Variants in STX8 observed in about 807,000 individuals in gnomAD.
STX8 encodes the protein syntaxin 8.
A neutral mutation model predicts 37.5 loss-of-function variants in STX8; 23 were observed. The observed-to-expected ratio is 0.61, with a 90% CI of 0.44 to 0.87. The LOEUF (loss-of-function observed/expected upper bound fraction) is 0.87, where lower values mean the gene tolerates loss of function less well. Among genes scored for constraint, STX8 ranks in the 40% least tolerant of loss-of-function variants. STX8 has a pLI of 0.00. For synonymous variants in STX8, 115 were observed against 99.1 expected (o/e 1.16, Z -0.95); for missense variants, 313 against 284.7 (o/e 1.10, Z -0.71).
chr17:9,524,904 C>T (rs974412213), intron 4 of STX8, among the ~76,000 whole-genome samples: 2 of 151,376 alleles, frequency 1.3e-5, no homozygotes, highest in Non-Finnish European at 2.9e-5. Context: ...GCCTCCTGGG[C>T]TCAAGCAATT....
chr17:9,546,481 T>TGCGCATGAGC (rs1555536152), intron 3 of STX8, among the ~76,000 whole-genome samples: 1 of 151,712 alleles, frequency 6.6e-6, no homozygotes, highest in Non-Finnish European at 1.5e-5. Context: ...ATGCGGCGCG[T>TGCGCATGAGC]GCGCATGAAG....
intron 3 of STX8, among the ~76,000 whole-genome samples, chr17:9,549,210 A>C (rs1211002714): frequency 1.3e-5 from 2 of 152,202 alleles, no homozygotes; most frequent in African/African-American, 2.4e-5. Flanking sequence ...AGAAAGTATA[A>C]TATTTTTTGT....
intron 5 of STX8, among the ~76,000 whole-genome samples, chr17:9,501,807 A>G (rs765756927): frequency 1.3e-5 from 2 of 151,860 alleles, no homozygotes; most frequent in Non-Finnish European, 2.9e-5. Context: ...CCCCATCTCT[A>G]AAATACAAAA....
intron 6 of STX8, among the ~76,000 whole-genome samples, chr17:9,438,662 C>T (rs754063716): frequency 3.9e-5 from 6 of 152,036 alleles, no homozygotes; most frequent in Non-Finnish European, 8.8e-5. Context: ...GGCGTGGTGG[C>T]TCACGTCTGT....
Position 9,342,758 on chromosome 17 carries a change from C to T in STX8, c.643+35794G>A, listed in dbSNP as rs527965723. Among the ~76,000 whole-genome samples the T allele has an allele frequency of 2.0e-5, 3 of 152,264 alleles. No individual in the cohort carries two copies. The East Asian group carries it at 5.8e-4, about 29-fold the overall frequency. ...GTGCAAATGGCCGGGCGCGGTGGCT[C>T]ACGCCTGTAATCCCAGCACTTTGGG... On this transcript the variant is annotated intron_variant, in intron 7 of 7. Transcript: ENST00000306357.
At chr17:9,519,675 TACG>T (rs912702001) in intron 4 of STX8, among the ~76,000 whole-genome samples, 1 of 152,088 alleles carries the variant, frequency 6.6e-6, no homozygotes, top group Admixed American at 6.6e-5. Flanking sequence ...ACGATCTCTC[TACG>T]ACATCATCTC....
intron 6 of STX8, among the ~76,000 whole-genome samples, chr17:9,432,951 C>A (rs550036657): frequency 2.0e-5 from 3 of 152,310 alleles, no homozygotes; most frequent in African/African-American, 7.2e-5. Flanking sequence ...ATGGAATACT[C>A]TTGAGATTGA....
At chr17:9,299,283 C>T (rs1469716626) in intron 7 of STX8, among the ~76,000 whole-genome samples, 1 of 152,088 alleles carries the variant, frequency 6.6e-6, no homozygotes, top group Non-Finnish European at 1.5e-5. Context: ...AATGTGGTCA[C>T]ATGGTTAATT....
chr17:9,305,370 T>G (rs12948351), intron 7 of STX8: 1 of 151,872 alleles, frequency 6.6e-6, no homozygotes, highest in East Asian at 1.9e-4. Flanking sequence ...GGATTACAGG[T>G]GTGAGCCACC....
At chr17:9,255,614 T>C (rs192020806) in intron 7 of STX8, among the ~76,000 whole-genome samples, 525 of 152,096 alleles carry the variant, frequency 3.5e-3, no homozygotes, top group Non-Finnish European at 5.4e-3. Flanking sequence ...GATGGACATC[T>C]TGGACAGTAA....
intron 6 of STX8, among the ~76,000 whole-genome samples, chr17:9,453,294 C>T: frequency 6.6e-6 from 1 of 152,128 alleles, no homozygotes. Context: ...AGCTCAGCTG[C>T]TACTGTGATA....
At chr17:9,344,893 T>C (rs1910482190) in intron 7 of STX8, among the ~76,000 whole-genome samples, 1 of 152,240 alleles carries the variant, frequency 6.6e-6, no homozygotes, top group South Asian at 2.1e-4. Flanking sequence ...GCTTACATCC[T>C]TGGTCATAAC....
At position 9,505,019 on chromosome 17, in the gene STX8, T is replaced by G; in HGVS notation, c.448+19A>C. On this transcript the variant is annotated intron_variant, in intron 5 of 7. Coordinates refer to ENST00000306357, the MANE Select transcript of STX8 (RefSeq NM_004853.3). ...TCTGGCAAGGTTTCTGAGCCCACAC[T>G]CCTCAGGATATTTAGTACCTTGGAT... The G allele has an allele frequency of 8.1e-7, 1 of 1,238,016 alleles. No individual in the cohort carries two copies. The highest frequency in any genetic ancestry group is 1.2e-5 in the South Asian group (1 of 81,590). The allele number at this position is 1,238,016 out of a possible 1,614,324, so 76.7% of individuals were successfully genotyped here. A position where few individuals can be genotyped will look rare whatever the true frequency, so the allele number is the denominator to read the frequency against.
intron 6 of STX8, among the ~76,000 whole-genome samples, chr17:9,388,593 CG>C (rs1220919311): frequency 6.6e-6 from 1 of 151,290 alleles, no homozygotes; most frequent in East Asian, 2.0e-4. Context: ...CACCTGAGGT[CG>C]GGAGTTCAAA....
intron 3 of STX8, chr17:9,556,772 T>TATATATATATATATACATAC: frequency 1.2e-5 from 1 of 82,936 alleles, no homozygotes; most frequent in African/African-American, 5.0e-5. Flanking sequence ...TATATATATA[T>TATATATATATATATACATAC]ATATATATAT....
chr17:9,310,309 A>T (rs1201979656), intron 7 of STX8, among the ~76,000 whole-genome samples: 1 of 152,224 alleles, frequency 6.6e-6, no homozygotes, highest in Non-Finnish European at 1.5e-5. Context: ...GCATTCCAAA[A>T]TACAGCAGTG....
At position 9,411,250 on chromosome 17, in the gene STX8, G is replaced by A. The variant is rs537060261; in HGVS notation, c.542-32597C>T. Among the ~76,000 whole-genome samples, 130 of 152,308 alleles carry A rather than the reference G, an allele frequency of 8.5e-4. 1 individual carries two copies. Among genetic ancestry groups the A allele is most frequent in the African/African-American group, 3.0e-3 (125 of 41,562 alleles). On this transcript the variant is annotated intron_variant, in intron 6 of 7. Coordinates refer to ENST00000306357, the MANE Select transcript of STX8 (RefSeq NM_004853.3). The stretch of plus-strand genomic sequence containing the variant: ...CTTTTCTCTCTGACCTATACTAGCA[G>A]TGAATGATGTTCTCAATGTCTCTCT...
At chr17:9,328,028 C>T (rs1418122231) in intron 7 of STX8, among the ~76,000 whole-genome samples, 1 of 150,110 alleles carries the variant, frequency 6.7e-6, no homozygotes, top group Non-Finnish European at 1.5e-5. Flanking sequence ...TTTCTCTTTC[C>T]TCCTTTCTCT....
At chr17:9,496,232 T>C (rs943077854) in intron 5 of STX8, among the ~76,000 whole-genome samples, 5 of 152,112 alleles carry the variant, frequency 3.3e-5, no homozygotes, top group African/African-American at 1.2e-4. Flanking sequence ...TCCACCACAA[T>C]GTCCAGCTAA....
Sources: allele counts gnomAD v4.1 joint callset (sites outside exome capture counted in the v4.1 genomes callset), GRCh38; gene constraint gnomAD v4.1.1; transcripts MANE v1.5; gene names NCBI Gene and HGNC (gene_info 2026-07-23, HGNC 2026-07-21).